The following ATAD2B variants were observed in gnomAD, a reference collection of about 807,000 sequenced individuals.
The protein encoded by ATAD2B is ATPase family AAA domain-containing protein 2B.
A neutral mutation model predicts 167.6 loss-of-function variants in ATAD2B; 40 were observed. That is an observed-to-expected ratio of 0.24 (90% CI 0.19 to 0.31). The LOEUF (loss-of-function observed/expected upper bound fraction) is 0.31. ATAD2B is among the 10% of genes least tolerant of loss of function. The pLI is 1.00. For missense variants in ATAD2B, 1,242 were observed against 1,757.2 expected, an observed-to-expected ratio of 0.71 and a Z score of 5.24; for synonymous variants, 579 against 596.5, an observed-to-expected ratio of 0.97 and a Z score of 0.43.
At chr2:23,713,413 T>TA in the ATAD2B span, among the ~76,000 whole-genome samples, 73,528 of 151,252 alleles carry the variant, frequency 0.49, 18,516 homozygotes, top group East Asian at 0.78. Flanking sequence ...TTTTTTTTTT[T>TA]AAGTAACAGC....
At chr2:23,893,977 A>G (rs1323946173) in intron 2 of ATAD2B, among the ~76,000 whole-genome samples, 1 of 152,062 alleles carries the variant, frequency 6.6e-6, no homozygotes, top group Non-Finnish European at 1.5e-5. Flanking sequence ...AAATCTTTTT[A>G]AATTGTGTGA....
chr2:23,726,910 T>C, the ATAD2B span, among the ~76,000 whole-genome samples: 1 of 152,248 alleles, frequency 6.6e-6, no homozygotes, highest in Admixed American at 6.5e-5. Context: ...TTAATGCCAC[T>C]GAACTATACA....
intron 8 of ATAD2B, chr2:23,872,318 G>C: frequency 1.8e-6 from 1 of 562,990 alleles, no homozygotes; most frequent in East Asian, 4.2e-5. Context: ...CCCAGGAACT[G>C]CATGCACCTG....
chr2:23,866,685 C>A (rs1434665487), intron 10 of ATAD2B, among the ~76,000 whole-genome samples: 1 of 152,056 alleles, frequency 6.6e-6, no homozygotes, highest in Non-Finnish European at 1.5e-5. Flanking sequence ...CTTAGGGTCC[C>A]ATTAATAAAT....
At position 23,751,808 on chromosome 2, in the gene ATAD2B, T is replaced by G; in HGVS notation, c.*238A>C. 2.0e-6 allele frequency: 1 copy of G among 509,732 alleles called. No individual in the cohort carries two copies. 31.6% of individuals were successfully genotyped at this position (509,732 alleles called of 1,614,324 possible). ...CACCAAAATCTCCAAGCTGTGGGGT[T>G]GTATTTTTTATTTGTGGAAAATACA... On this transcript the variant is annotated 3_prime_UTR_variant, in exon 28 of 28. Coordinates refer to ENST00000238789, the MANE Select transcript of ATAD2B (RefSeq NM_017552.4).
the ATAD2B span, chr2:23,707,746 G>T: frequency 2.6e-5 from 4 of 152,320 alleles, no homozygotes; most frequent in African/African-American, 7.2e-5. Context: ...GACTATTTTT[G>T]ATATTCATAG....
intron 17 of ATAD2B, among the ~76,000 whole-genome samples, chr2:23,816,956 C>T (rs1169398217): frequency 1.3e-5 from 2 of 152,152 alleles, no homozygotes; most frequent in East Asian, 1.9e-4. Context: ...AATACCCAGG[C>T]TAGTGTGACT....
the ATAD2B span, among the ~76,000 whole-genome samples, chr2:23,724,566 T>C: frequency 2.0e-5 from 3 of 152,072 alleles, no homozygotes; most frequent in Admixed American, 2.0e-4. Context: ...AGGAGAAATA[T>C]GTTGCTGCAG....
At chr2:23,709,039 TC>T in the ATAD2B span, among the ~76,000 whole-genome samples, 5 of 151,980 alleles carry the variant, frequency 3.3e-5, no homozygotes, top group African/African-American at 1.2e-4. Context: ...TCTTTTCTTT[TC>T]TTTTTTTCTT....
the ATAD2B span, chr2:23,703,649 T>G: frequency 1.4e-6 from 2 of 1,460,106 alleles, no homozygotes; most frequent in Non-Finnish European, 1.8e-6. Flanking sequence ...TGGAGGGTCT[T>G]CTGGGAAAGA....
intron 1 of ATAD2B, among the ~76,000 whole-genome samples, chr2:23,912,923 G>A (rs971980715): frequency 2.0e-5 from 3 of 152,214 alleles, no homozygotes; most frequent in Admixed American, 6.5e-5. Context: ...TGGAAACCAG[G>A]AGACACAGGT....
At chr2:23,694,940 G>A in the ATAD2B span, among the ~76,000 whole-genome samples, 1 of 152,184 alleles carries the variant, frequency 6.6e-6, no homozygotes, top group African/African-American at 2.4e-5. Flanking sequence ...CTGGGTCACA[G>A]TGGTCTCTGC....
At chr2:23,802,082 G>C (rs72782113) in intron 18 of ATAD2B, among the ~76,000 whole-genome samples, 18,168 of 151,974 alleles carry the variant, frequency 0.12, 1,164 homozygotes, top group Middle Eastern at 0.21. Context: ...ATATAGAAAA[G>C]AGGGAAACAA....
At chr2:23,901,377 T>C (rs910518854) in intron 1 of ATAD2B, among the ~76,000 whole-genome samples, 1 of 151,502 alleles carries the variant, frequency 6.6e-6, no homozygotes, top group Non-Finnish European at 1.5e-5. Flanking sequence ...TTTTTCTTCA[T>C]GAAATCTCCC....
chr2:23,860,156 T>C (rs936217524), intron 12 of ATAD2B, among the ~76,000 whole-genome samples: 1 of 152,124 alleles, frequency 6.6e-6, no homozygotes, highest in South Asian at 2.1e-4. Context: ...ATGGATGCTG[T>C]CTTCTGTCAT....
chr2:23,850,821 T>A (rs1023818912), intron 13 of ATAD2B, among the ~76,000 whole-genome samples: 1 of 152,190 alleles, frequency 6.6e-6, no homozygotes, highest in Non-Finnish European at 1.5e-5. Flanking sequence ...AATTCACACA[T>A]TGAAACCTAA....
chr2:23,876,640 A>G (rs1258226059), intron 7 of ATAD2B, among the ~76,000 whole-genome samples: 1 of 152,228 alleles, frequency 6.6e-6, no homozygotes, highest in African/African-American at 2.4e-5. Flanking sequence ...TGTGTTTTCA[A>G]GTACCAAATG....
chr2:23,888,919 G>T (rs1699073283), intron 2 of ATAD2B, among the ~76,000 whole-genome samples: 1 of 151,972 alleles, frequency 6.6e-6, no homozygotes, highest in Admixed American at 6.6e-5. Flanking sequence ...CTCTCTTTTG[G>T]GTGGAAGAAG....
Position 23,751,847 on chromosome 2 carries a change from G to A in ATAD2B, c.*199C>T. On this transcript the variant is annotated 3_prime_UTR_variant, in exon 28 of 28. Coordinates refer to ENST00000238789, the MANE Select transcript of ATAD2B (RefSeq NM_017552.4). Reference sequence around the variant, plus strand: ...GTGGAAAATACAACATGTTTCTGAAGTTCTGTTTGGTTCTTGTAGGCTGGT... The same window carrying A: ...GTGGAAAATACAACATGTTTCTGAAATTCTGTTTGGTTCTTGTAGGCTGGT... 1 of 561,268 alleles carries A rather than the reference G, an allele frequency of 1.8e-6. No homozygotes were observed. Among genetic ancestry groups the A allele is most frequent in the Non-Finnish European group, 3.2e-6 (1 of 313,164 alleles). The allele number at this position is 561,268 out of a possible 1,614,324, so 34.8% of individuals were successfully genotyped here. A position where few individuals can be genotyped will look rare whatever the true frequency, so the allele number is the denominator to read the frequency against.
Sources: gnomAD v4.1 joint callset for allele counts (sites outside exome capture counted in the v4.1 genomes callset) on GRCh38, gnomAD v4.1.1 for gene constraint, MANE v1.5 for transcripts, NCBI Gene and HGNC (gene_info 2026-07-23, HGNC 2026-07-21) for gene names.